The following SLC35F4 variants were observed in gnomAD, a reference collection of about 807,000 sequenced individuals.
The protein encoded by SLC35F4 is solute carrier family 35 member F4.
SLC35F4 carries 24 observed loss-of-function variants against 44.2 expected under a neutral mutation model. That is an observed-to-expected ratio of 0.54 (90% CI 0.39 to 0.76). SLC35F4 has a LOEUF of 0.76. Ranked by LOEUF, SLC35F4 falls within the 30% of genes least tolerant of loss-of-function variation. SLC35F4 has a pLI of 0.00. For missense variants in SLC35F4, 562 were observed against 586.1 expected, an observed-to-expected ratio of 0.96 and a Z score of 0.42; for synonymous variants, 238 against 223.6, an observed-to-expected ratio of 1.06 and a Z score of -0.57.
At chr14:57,748,907 T>C (rs2076820608) in intron 1 of SLC35F4, among the ~76,000 whole-genome samples, 1 of 152,168 alleles carries the variant, frequency 6.6e-6, no homozygotes, top group Non-Finnish European at 1.5e-5. Context: ...ACCTCTTTAC[T>C]AGCTCCTACC....
chr14:57,724,808 A>T (rs1300323738), intron 1 of SLC35F4, among the ~76,000 whole-genome samples: 1 of 152,226 alleles, frequency 6.6e-6, no homozygotes, highest in African/African-American at 2.4e-5. Flanking sequence ...TTTTTAGGAC[A>T]TCCCTGAAGG....
chr14:57,737,175 G>C (rs2076486932), intron 1 of SLC35F4, among the ~76,000 whole-genome samples: 1 of 151,540 alleles, frequency 6.6e-6, no homozygotes, highest in African/African-American at 2.4e-5. Context: ...AGATCTTATA[G>C]GCAAGGTACG....
chr14:57,704,526 T>C (rs974606001), intron 1 of SLC35F4, among the ~76,000 whole-genome samples: 3 of 152,124 alleles, frequency 2.0e-5, no homozygotes, highest in Non-Finnish European at 4.4e-5. Flanking sequence ...ATGGTTACTA[T>C]ACTGGACACT....
At chr14:57,706,110 G>A (rs577678302) in intron 1 of SLC35F4, among the ~76,000 whole-genome samples, 5 of 152,270 alleles carry the variant, frequency 3.3e-5, no homozygotes, top group South Asian at 4.1e-4. Flanking sequence ...CCACTGTAAC[G>A]TCAGCCTCAA....
chr14:57,580,564 A>G (rs1485202636), intron 4 of SLC35F4: 1 of 366,022 alleles, frequency 2.7e-6, no homozygotes, highest in Admixed American at 3.9e-5. Context: ...GAACAAGCAT[A>G]TAAATATATA....
rs149057522 is a variant in SLC35F4, at chr14:57,756,562, C to A, written c.103+109161G>T. Among the ~76,000 whole-genome samples the A allele has an allele frequency of 9.9e-3, 1,496 of 151,778 alleles. 8 individuals are homozygous for A. The highest frequency in any genetic ancestry group is 0.028 in the Middle Eastern group (8 of 288). On this transcript the variant is annotated intron_variant, in intron 1 of 7. Transcript: ENST00000556826. The stretch of plus-strand genomic sequence containing the variant: ...TTTTGTATATATAAATGTTATATAA[C>A]ATATAAATATTATATAAATATTGAT...
At chr14:57,924,254 AGTTT>A in intron 1 of SLC35F4, among the ~76,000 whole-genome samples, 1 of 152,294 alleles carries the variant, frequency 6.6e-6, no homozygotes, top group African/African-American at 2.4e-5. Flanking sequence ...AAAGAAAAGA[AGTTT>A]GTTTGGCCCA....
At chr14:57,822,032 G>C (rs1230652351) in intron 1 of SLC35F4, among the ~76,000 whole-genome samples, 1 of 152,144 alleles carries the variant, frequency 6.6e-6, no homozygotes, top group Non-Finnish European at 1.5e-5. Flanking sequence ...GACTTCCCTT[G>C]CCCTACTACT....
At chr14:57,961,718 C>A (rs1221956914) in intron 1 of SLC35F4, among the ~76,000 whole-genome samples, 1 of 152,178 alleles carries the variant, frequency 6.6e-6, no homozygotes, top group African/African-American at 2.4e-5. Context: ...CACTGGAGGC[C>A]CATCCCCTGG....
intron 1 of SLC35F4, among the ~76,000 whole-genome samples, chr14:57,829,168 A>C (rs1884090571): frequency 6.6e-6 from 1 of 152,360 alleles, no homozygotes; most frequent in Non-Finnish European, 1.5e-5. Context: ...AGAGGCATTC[A>C]GAACAGGACC....
chr14:57,932,833 T>C lies in SLC35F4; in HGVS notation n.282+49080A>G, dbSNP rs555367530. Among the ~76,000 whole-genome samples, 5 of 152,142 alleles carry C rather than the reference T, an allele frequency of 3.3e-5. No homozygotes were observed. The South Asian group carries it at 1.0e-3, about 32-fold the overall frequency. On this transcript the variant is annotated intron_variant and non_coding_transcript_variant, in intron 1 of 1. Coordinates refer to the SLC35F4 transcript ENST00000556568. ...CACTGCACTCAAAAAAAAAATTTAGTCAAGCTATCTATAGATCTTGATTTG... is the reference window on the plus strand; with the variant it reads ...CACTGCACTCAAAAAAAAAATTTAGCCAAGCTATCTATAGATCTTGATTTG...
rs564096194 is a variant in SLC35F4, at chr14:57,938,509, C to T, written n.282+43404G>A. Among the ~76,000 whole-genome samples, 5 of 152,308 alleles carry T rather than the reference C, an allele frequency of 3.3e-5. 1 individual carries two copies. The South Asian group carries it at 1.0e-3, about 32-fold the overall frequency. ...GCTATAAAATGGAGAGAACTATATC[C>T]ACCTCACAGGATTAATGTCATTAAA... On this transcript the variant is annotated intron_variant and non_coding_transcript_variant, in intron 1 of 1. Coordinates refer to the SLC35F4 transcript ENST00000556568.
chr14:57,656,447 G>A (rs1477931916), intron 1 of SLC35F4, among the ~76,000 whole-genome samples: 1 of 151,320 alleles, frequency 6.6e-6, no homozygotes, highest in African/African-American at 2.4e-5. Context: ...TGTGCTCAGA[G>A]GACATTAAAA....
At chr14:57,816,702 A>G (rs1181817215) in intron 1 of SLC35F4, among the ~76,000 whole-genome samples, 1 of 152,162 alleles carries the variant, frequency 6.6e-6, no homozygotes, top group African/African-American at 2.4e-5. Context: ...GAAAGTACTC[A>G]CTTTTGGGAT....
chr14:57,932,035 C>G (rs747438017), intron 1 of SLC35F4, among the ~76,000 whole-genome samples: 18 of 152,174 alleles, frequency 1.2e-4, no homozygotes, highest in Non-Finnish European at 2.4e-4. Context: ...CATTCATTCT[C>G]TGGTCCATCT....
At chr14:57,783,930 T>G (rs2077692445) in intron 1 of SLC35F4, among the ~76,000 whole-genome samples, 1 of 152,196 alleles carries the variant, frequency 6.6e-6, no homozygotes, top group South Asian at 2.1e-4. Context: ...TAGGATTACA[T>G]TATAGAAGAT....
intron 1 of SLC35F4, among the ~76,000 whole-genome samples, chr14:57,855,301 A>G (rs945118612): frequency 6.6e-6 from 1 of 152,226 alleles, no homozygotes; most frequent in Non-Finnish European, 1.5e-5. Context: ...ACAAAGGACT[A>G]ATAACCAGAA....
chr14:57,928,884 C>A (rs916494257), intron 1 of SLC35F4, among the ~76,000 whole-genome samples: 1 of 152,080 alleles, frequency 6.6e-6, no homozygotes, highest in African/African-American at 2.4e-5. Flanking sequence ...AATTTTACAA[C>A]TGAAAAATAC....
chr14:57,574,208 C>A (rs535359272), intron 4 of SLC35F4, among the ~76,000 whole-genome samples: 4 of 152,150 alleles, frequency 2.6e-5, no homozygotes, highest in Non-Finnish European at 5.9e-5. Flanking sequence ...CATAAAGTTT[C>A]TATTATGTTT....
Sources: gnomAD v4.1 joint callset for allele counts (sites outside exome capture counted in the v4.1 genomes callset) on GRCh38, gnomAD v4.1.1 for gene constraint, MANE v1.5 for transcripts, NCBI Gene and HGNC (gene_info 2026-07-23, HGNC 2026-07-21) for gene names.